Variants in GSE1 observed in about 807,000 individuals in gnomAD.
GSE1 encodes genetic suppressor element 1.
Under a neutral mutation model 112.6 loss-of-function variants are expected in GSE1, and 32 were observed. The ratio of observed to expected loss-of-function variants is 0.28; its 90% CI spans 0.21 to 0.38. The LOEUF (loss-of-function observed/expected upper bound fraction) is 0.38. GSE1 is among the 10% of genes least tolerant of loss of function. GSE1 has a pLI of 1.00. For synonymous variants in GSE1, 1,115 were observed against 735.6 expected (o/e 1.52, Z -8.35); for missense variants, 2,348 against 1,699.2 (o/e 1.38, Z -6.71).
At chr16:85,270,271 C>T (rs1908701492) in intron 1 of GSE1, among the ~76,000 whole-genome samples, 1 of 148,958 alleles carries the variant, frequency 6.7e-6, no homozygotes, top group South Asian at 2.1e-4. Context: ...CCCAGGCTCC[C>T]AGCACATGCC....
intron 2 of GSE1, among the ~76,000 whole-genome samples, chr16:85,440,924 C>G (rs570458442): frequency 6.6e-6 from 1 of 152,186 alleles, no homozygotes; most frequent in Non-Finnish European, 1.5e-5. Context: ...TGCGGGGCCT[C>G]GTGGCAATTC....
At chr16:85,232,526 C>T (rs532649324) in intron 1 of GSE1, among the ~76,000 whole-genome samples, 5 of 151,876 alleles carry the variant, frequency 3.3e-5, no homozygotes, top group East Asian at 1.9e-4. Context: ...GGTGTGGTCT[C>T]GGGAGCAAAA....
At chr16:85,669,790 C>A (rs536860250) in intron 14 of GSE1, among the ~76,000 whole-genome samples, 4 of 152,334 alleles carry the variant, frequency 2.6e-5, no homozygotes, top group Non-Finnish European at 5.9e-5. Context: ...AGGCAGAAAT[C>A]TTAACTGTAC....
chr16:85,619,293 A>C (rs903441699), intron 1 of GSE1, among the ~76,000 whole-genome samples: 1 of 152,192 alleles, frequency 6.6e-6, no homozygotes, highest in Non-Finnish European at 1.5e-5. Context: ...GTCTGTGGCC[A>C]CAGGCAGCAA....
chr16:85,441,745 G>T (rs1358086255), intron 2 of GSE1, among the ~76,000 whole-genome samples: 1 of 152,228 alleles, frequency 6.6e-6, no homozygotes, highest in Non-Finnish European at 1.5e-5. Context: ...GTGATAGAAG[G>T]AAGGATCAGA....
intron 1 of GSE1, among the ~76,000 whole-genome samples, chr16:85,281,801 A>G (rs2044866095): frequency 6.6e-6 from 1 of 152,010 alleles, no homozygotes; most frequent in African/African-American, 2.4e-5. Context: ...GTTGCTTCCA[A>G]GCTTATCATT....
At chr16:85,482,450 C>G (rs892089296) in intron 2 of GSE1, among the ~76,000 whole-genome samples, 1 of 152,156 alleles carries the variant, frequency 6.6e-6, no homozygotes, top group Non-Finnish European at 1.5e-5. Flanking sequence ...TCTGACAACT[C>G]GAGCGACCCG....
rs570542822 is a variant in GSE1, at chr16:85,260,472, G to A, written c.2283+88665G>A. Among the ~76,000 whole-genome samples, 10 of 151,824 alleles carry A rather than the reference G, an allele frequency of 6.6e-5. No individual in the cohort carries two copies. The South Asian group carries it at 1.2e-3, about 19-fold the overall frequency. On this transcript the variant is annotated intron_variant, in intron 1 of 2. Transcript: ENST00000637419. ...CAAGTCGCTGGGATTACAGGTGCCC[G>A]CAACCACACCTGGCTAATTTTTGTA... is the stretch of plus-strand genomic sequence containing the variant.
intron 1 of GSE1, among the ~76,000 whole-genome samples, chr16:85,236,348 C>T (rs1230873713): frequency 6.6e-6 from 1 of 152,214 alleles, no homozygotes; most frequent in Non-Finnish European, 1.5e-5. Context: ...GTGGTCAAGT[C>T]CACAGAGCTT....
At chr16:85,462,718 G>T (rs1273362244) in intron 2 of GSE1, among the ~76,000 whole-genome samples, 1 of 139,228 alleles carries the variant, frequency 7.2e-6, no homozygotes. Context: ...GGAGGCGGGA[G>T]GCGGGAGGCG....
intron 2 of GSE1, among the ~76,000 whole-genome samples, chr16:85,423,778 C>T (rs943484923): frequency 5.9e-5 from 9 of 152,362 alleles, no homozygotes; most frequent in East Asian, 1.9e-4. Flanking sequence ...TCCCACCCAC[C>T]GCTGCACTTG....
At chr16:85,435,412 A>G (rs2049222877) in intron 2 of GSE1, among the ~76,000 whole-genome samples, 1 of 151,966 alleles carries the variant, frequency 6.6e-6, no homozygotes, top group African/African-American at 2.4e-5. Context: ...CCAGCTCTAG[A>G]GATCGAGACC....
chr16:85,617,237 G>A (rs1598399200), intron 1 of GSE1, among the ~76,000 whole-genome samples: 1 of 152,348 alleles, frequency 6.6e-6, no homozygotes, highest in South Asian at 2.1e-4. Context: ...GAAGTTCAGA[G>A]GGGAAGTGAG....
chr16:85,268,971 G>A (rs1284599577), intron 1 of GSE1, among the ~76,000 whole-genome samples: 1 of 127,622 alleles, frequency 7.8e-6, no homozygotes, highest in African/African-American at 2.5e-5. Context: ...CAGGGGAGGG[G>A]GAGGCTGCAG....
At chr16:85,296,208 C>G (rs1052976958) in intron 1 of GSE1, among the ~76,000 whole-genome samples, 4 of 152,196 alleles carry the variant, frequency 2.6e-5, no homozygotes, top group Admixed American at 1.3e-4. Flanking sequence ...GCGAACACTG[C>G]CCGTCCCTCC....
At chr16:85,246,898 G>A (rs1258927619) in intron 1 of GSE1, among the ~76,000 whole-genome samples, 3 of 152,144 alleles carry the variant, frequency 2.0e-5, no homozygotes, top group Non-Finnish European at 4.4e-5. Flanking sequence ...ATAGCCCAGG[G>A]GAGCTTGGTA....
chr16:85,398,426 C>T (rs1040940041), intron 2 of GSE1, among the ~76,000 whole-genome samples: 4 of 152,040 alleles, frequency 2.6e-5, no homozygotes, highest in African/African-American at 9.7e-5. Context: ...GGTCTGGGTC[C>T]AGTACCGCCT....
intron 1 of GSE1, among the ~76,000 whole-genome samples, chr16:85,198,914 G>T (rs970982669): frequency 2.0e-5 from 3 of 151,922 alleles, no homozygotes; most frequent in African/African-American, 7.2e-5. Flanking sequence ...GAGTGGCTGG[G>T]ACTACAGGCA....
Position 85,654,279 on chromosome 16 carries a change from A to G in GSE1, c.428A>G (p.Asp143Gly), listed in dbSNP as rs964287284. 2.5e-6 allele frequency: 4 copies of G among 1,593,444 alleles called. No individual in the cohort carries two copies. In the African/African-American group the frequency reaches 5.4e-5, roughly 22 times the overall value. ...NGVWRSESRQ[D>G]AGSRSSSGGR... ...TGACTGGACGCTCTCCTCCCGCAGG[A>G]TGCCGGCTCCAGGAGCAGCAGTGGA... The change falls in exon 4 of 16, where the codon GAT (aspartate) becomes GGT (glycine). Residue 143 changes from aspartate (D) to glycine (G), a missense_variant and splice_region_variant. Transcript: ENST00000253458.
Sources: allele counts gnomAD v4.1 joint callset (sites outside exome capture counted in the v4.1 genomes callset), GRCh38; gene constraint gnomAD v4.1.1; transcripts MANE v1.5; gene names NCBI Gene and HGNC (gene_info 2026-07-23, HGNC 2026-07-21).